The following PLEKHA3 variants were observed in gnomAD, a reference collection of about 807,000 sequenced individuals.
PLEKHA3 encodes pleckstrin homology domain containing A3.
In PLEKHA3, 19 loss-of-function variants were observed where a neutral mutation model predicts 39.2. That is an observed-to-expected ratio of 0.48 (90% CI 0.34 to 0.71). PLEKHA3 has a LOEUF of 0.71. Among genes scored for constraint, PLEKHA3 ranks in the 30% least tolerant of loss-of-function variants. The probability of loss-of-function intolerance (pLI) is 0.01; values close to 1 mark genes in which losing one functional copy is unlikely to be tolerated. For synonymous variants in PLEKHA3, 97 were observed against 118.6 expected, an observed-to-expected ratio of 0.82 and a Z score of 1.18; for missense variants, 253 against 359.5, an observed-to-expected ratio of 0.70 and a Z score of 2.40.
intron 4 of PLEKHA3, among the ~76,000 whole-genome samples, chr2:178,494,528 C>T (rs1467609520): frequency 6.6e-6 from 1 of 152,158 alleles, no homozygotes; most frequent in Non-Finnish European, 1.5e-5. Context: ...GTTGCCTGTC[C>T]CTTTTTGCCT....
Position 178,515,470 on chromosome 2 carries a change from A to G in PLEKHA3, c.*11583A>G, listed in dbSNP as rs968934039. On this transcript the variant is annotated 3_prime_UTR_variant, in exon 8 of 8. Coordinates refer to ENST00000234453, the MANE Select transcript of PLEKHA3 (RefSeq NM_019091.4). ...TTATCTTTTTCTCCAGTTTTGATAG[A>G]TGATTATAGAGTTCCCCAAAATGGC... The G allele has an allele frequency of 6.6e-6, 1 of 152,122 alleles. No individual in the cohort carries two copies. The highest frequency in any genetic ancestry group is 1.5e-5 in the Non-Finnish European group (1 of 68,022). The allele number at this position is 152,122 out of a possible 1,614,324, so 9.4% of individuals were successfully genotyped here.
Position 178,507,616 on chromosome 2 carries a change from C to G in PLEKHA3, c.*3729C>G. ...CCTCCAGGCCTGTTCTATGGTTCAG[C>G]AGTCATTCTGAAACTCCCTTTAGTT... On this transcript the variant is annotated 3_prime_UTR_variant, in exon 8 of 8. Coordinates refer to ENST00000234453, the MANE Select transcript of PLEKHA3 (RefSeq NM_019091.4). 1 of 133,474 alleles carries G rather than the reference C, an allele frequency of 7.5e-6. No individual in the cohort carries two copies. The highest frequency in any genetic ancestry group is 1.6e-5 in the Non-Finnish European group (1 of 64,442). The allele number at this position is 133,474 out of a possible 1,614,324, so 8.3% of individuals were successfully genotyped here.
At chr2:178,491,707 TC>T (rs1685350286) in intron 3 of PLEKHA3, among the ~76,000 whole-genome samples, 1 of 152,222 alleles carries the variant, frequency 6.6e-6, no homozygotes, top group African/African-American at 2.4e-5. Context: ...TAGTTCATTT[TC>T]TGTTGCTTTG....
chr2:178,481,488 A>G (rs146921544), intron 1 of PLEKHA3, among the ~76,000 whole-genome samples: 1 of 152,270 alleles, frequency 6.6e-6, no homozygotes, highest in African/African-American at 2.4e-5. Flanking sequence ...GTTAACTGAG[A>G]AATAGTGGAA....
At chr2:178,484,029 T>TTCA (rs1685212097) in intron 1 of PLEKHA3, among the ~76,000 whole-genome samples, 1 of 152,172 alleles carries the variant, frequency 6.6e-6, no homozygotes, top group Non-Finnish European at 1.5e-5. Flanking sequence ...GTGAGCCATG[T>TTCA]TCATGCCACT....
At chr2:178,488,287 A>G (rs1415203225) in intron 2 of PLEKHA3, among the ~76,000 whole-genome samples, 1 of 152,054 alleles carries the variant, frequency 6.6e-6, no homozygotes, top group Non-Finnish European at 1.5e-5. Flanking sequence ...TTATGTTTTC[A>G]TTTTGTTCAT....
rs1347223606 is a variant in PLEKHA3, at chr2:178,506,847, T to TAA, written c.*2962_*2963dup. On this transcript the variant is annotated 3_prime_UTR_variant, in exon 8 of 8. Coordinates refer to ENST00000234453, the MANE Select transcript of PLEKHA3 (RefSeq NM_019091.4). ...TCTGTCTTTTAATAACCCTGGCGGGTAAATGAATGGTAGGTAGCTGGTAGG... is the reference window on the plus strand; with the variant it reads ...TCTGTCTTTTAATAACCCTGGCGGGTAAAAATGAATGGTAGGTAGCTGGTAGG... 6.6e-6 allele frequency: 1 copy of TAA among 152,124 alleles called. No homozygotes were observed. The highest frequency in any genetic ancestry group is 1.5e-5 in the Non-Finnish European group (1 of 68,016). 9.4% of individuals were successfully genotyped at this position (152,124 alleles called of 1,614,324 possible). A position where few individuals can be genotyped will look rare whatever the true frequency, so the allele number is the denominator to read the frequency against.
chr2:178,495,159 T>G (rs536512515), intron 4 of PLEKHA3, among the ~76,000 whole-genome samples: 2 of 152,286 alleles, frequency 1.3e-5, no homozygotes, highest in East Asian at 3.9e-4. Flanking sequence ...TGTCCACTTT[T>G]GGGAAAGTGA....
At position 178,504,016 on chromosome 2, in the gene PLEKHA3, CAAG is replaced by C. The variant is rs963460871; in HGVS notation, c.*132_*134del. On this transcript the variant is annotated 3_prime_UTR_variant, in exon 8 of 8. Coordinates refer to ENST00000234453, the MANE Select transcript of PLEKHA3 (RefSeq NM_019091.4). ...TATAGAATGTTGTAAAACAGACAAA[CAAG>C]AAAACAAACCACATACTTTTGAAGT... 1.0e-6 allele frequency: 1 copy of C among 961,612 alleles called. No homozygotes were observed. The highest frequency in any genetic ancestry group is 1.7e-5 in the African/African-American group (1 of 60,600). 59.6% of individuals were successfully genotyped at this position (961,612 alleles called of 1,614,324 possible). A position where few individuals can be genotyped will look rare whatever the true frequency, so the allele number is the denominator to read the frequency against.
intron 6 of PLEKHA3, 50 bp from the exon 7 acceptor site, chr2:178,501,011 T>G: frequency 8.5e-7 from 1 of 1,180,760 alleles, no homozygotes; most frequent in Non-Finnish European, 1.2e-6. Flanking sequence ...TTGAGTGTGT[T>G]TTTGTTTATG....
At chr2:178,483,476 A>G (rs1331637424) in intron 1 of PLEKHA3, among the ~76,000 whole-genome samples, 1 of 152,210 alleles carries the variant, frequency 6.6e-6, no homozygotes, top group Non-Finnish European at 1.5e-5. Context: ...AGAGATAATT[A>G]ACAGGCTTGA....
In PLEKHA3 at chr2:178,512,772, C is replaced by G. The variant is rs1685707916; in HGVS notation, c.*8885C>G. ...GCTGCCATCTTTTTCTCCCAGCACT[C>G]TGGACTTAAAATTCTGAGAGAACAG... On this transcript the variant is annotated 3_prime_UTR_variant, in exon 8 of 8. Transcript: ENST00000234453. 6.5e-6 allele frequency: 1 copy of G among 153,772 alleles called. No individual in the cohort carries two copies. Among genetic ancestry groups the G allele is most frequent in the Non-Finnish European group, 1.5e-5 (1 of 68,038 alleles). 9.5% of individuals were successfully genotyped at this position (153,772 alleles called of 1,614,324 possible). A position where few individuals can be genotyped will look rare whatever the true frequency, so the allele number is the denominator to read the frequency against.
intron 5 of PLEKHA3, 31 bp downstream of exon 5, chr2:178,495,691 C>T: frequency 3.2e-6 from 5 of 1,573,928 alleles, no homozygotes; most frequent in South Asian, 1.2e-5. Context: ...TTTTTTCCCT[C>T]AGTAGTAATG....
rs1319673980 is a variant in PLEKHA3, at chr2:178,510,645, G to C, written c.*6758G>C. ...TCCAAAGGACGTAGTGCTCTACATA[G>C]TGTTGGAAGCGAGAGACTGAGCCCT... On this transcript the variant is annotated 3_prime_UTR_variant, in exon 8 of 8. Transcript: ENST00000234453. 6.5e-6 allele frequency: 1 copy of C among 153,788 alleles called. No homozygotes were observed. Among genetic ancestry groups the C allele is most frequent in the Non-Finnish European group, 1.5e-5 (1 of 68,040 alleles). The allele number at this position is 153,788 out of a possible 1,614,324, so 9.5% of individuals were successfully genotyped here.
At chr2:178,488,567 TTTGTTG>T (rs909537506) in intron 2 of PLEKHA3, among the ~76,000 whole-genome samples, 3 of 152,146 alleles carry the variant, frequency 2.0e-5, no homozygotes, top group South Asian at 2.1e-4. Flanking sequence ...TGGCCCTGTT[TTTGTTG>T]TTGTTGTTGT....
At chr2:178,491,846 A>T (rs919939388) in intron 3 of PLEKHA3, among the ~76,000 whole-genome samples, 1 of 152,152 alleles carries the variant, frequency 6.6e-6, no homozygotes, top group Non-Finnish European at 1.5e-5. Flanking sequence ...GCATCATAGC[A>T]TGGCGGAGGA....
At position 178,495,536 on chromosome 2, in the gene PLEKHA3, A is replaced by G; in HGVS notation, c.491A>G (p.Asn164Ser). Residue 164 changes from asparagine (N) to serine (S), a missense_variant, in exon 5 of 8, where the codon AAC (asparagine) becomes AGC (serine). This residue lies in a region of PLEKHA3 where 126 missense variants were observed against 222.7 expected (regional missense o/e 0.57). Transcript: ENST00000234453. ...TCTTCTCTGCTTAGTGCCACGTGTA[A>G]CACATTCATCACAACGCTTGAGGAA... The part of the protein sequence containing the change: ...EASSLLSATC[N>S]TFITTLEECV... 1 of 1,614,010 alleles carries G rather than the reference A, an allele frequency of 6.2e-7. No individual in the cohort carries two copies. Among genetic ancestry groups the G allele is most frequent in the Middle Eastern group, 1.6e-4 (1 of 6,062 alleles).
intron 1 of PLEKHA3, among the ~76,000 whole-genome samples, chr2:178,481,224 G>A (rs529019432): frequency 1.3e-5 from 2 of 152,334 alleles, no homozygotes; most frequent in South Asian, 4.1e-4. Flanking sequence ...TTCACACTTA[G>A]TATTCATACT....
chr2:178,501,932 G>C (rs532037577), intron 7 of PLEKHA3, among the ~76,000 whole-genome samples: 23 of 151,926 alleles, frequency 1.5e-4, no homozygotes, highest in Non-Finnish European at 2.8e-4. Flanking sequence ...CCAATAGTTA[G>C]TTCATTTGTA....
Sources: gnomAD v4.1 joint callset for allele counts (sites outside exome capture counted in the v4.1 genomes callset) on GRCh38, gnomAD v4.1.1 for gene constraint, gnomAD v4.1.1 regional missense constraint, MANE v1.5 for transcripts, NCBI Gene and HGNC (gene_info 2026-07-23, HGNC 2026-07-21) for gene names.